COL8A1: variants seen among roughly 807,000 people sequenced by gnomAD.
COL8A1 encodes collagen type VIII alpha 1 chain.
A neutral mutation model predicts 42.7 loss-of-function variants in COL8A1; 21 were observed. The observed-to-expected ratio is 0.49, with a 90% CI of 0.35 to 0.71. The LOEUF (loss-of-function observed/expected upper bound fraction) is 0.71. Among genes scored for constraint, COL8A1 ranks in the 30% least tolerant of loss-of-function variants. The probability of loss-of-function intolerance (pLI) is 0.01; values close to 1 mark genes in which losing one functional copy is unlikely to be tolerated. For missense variants in COL8A1, 788 were observed against 962.4 expected (o/e 0.82, Z 2.40); for synonymous variants, 367 against 369.1 (o/e 0.99, Z 0.06).
chr3:99,720,420 G>A (rs1324327201), intron 1 of COL8A1, among the ~76,000 whole-genome samples: 1 of 152,046 alleles, frequency 6.6e-6, no homozygotes, highest in Non-Finnish European at 1.5e-5. Context: ...CATTTAATAT[G>A]TTATTGTATC....
chr3:99,730,627 G>A (rs1014239000), intron 1 of COL8A1, among the ~76,000 whole-genome samples: 2 of 152,074 alleles, frequency 1.3e-5, no homozygotes, highest in Non-Finnish European at 2.9e-5. Context: ...CAGTGTGAAA[G>A]GAAAGTCTTT....
chr3:99,680,516 T>G (rs1268451215), intron 1 of COL8A1: 2 of 152,194 alleles, frequency 1.3e-5, no homozygotes, highest in African/African-American at 4.8e-5. Flanking sequence ...TACCCAGTAA[T>G]GGGATGGCTG....
chr3:99,668,315 C>T (rs915373098), intron 1 of COL8A1, among the ~76,000 whole-genome samples: 1 of 152,012 alleles, frequency 6.6e-6, no homozygotes, highest in Non-Finnish European at 1.5e-5. Flanking sequence ...CATCAAATGC[C>T]CTTTTAAAAA....
intron 1 of COL8A1, among the ~76,000 whole-genome samples, chr3:99,723,432 G>A (rs1053539237): frequency 6.6e-6 from 1 of 152,036 alleles, no homozygotes; most frequent in Non-Finnish European, 1.5e-5. Context: ...GCTAGACAGT[G>A]GCAAGCAATA....
intron 2 of COL8A1, among the ~76,000 whole-genome samples, chr3:99,785,100 A>T (rs948458143): frequency 6.6e-6 from 1 of 152,226 alleles, no homozygotes; most frequent in African/African-American, 2.4e-5. Context: ...CCATATGTGA[A>T]TCAAGAAAGG....
In COL8A1 at chr3:99,714,761, G is replaced by A. The variant is rs112858548; in HGVS notation, c.-128-30136G>A. On this transcript the variant is annotated intron_variant, in intron 1 of 3. Transcript: ENST00000652472. The stretch of plus-strand genomic sequence containing the variant: ...ATCTAAAAGTGCTCACACTCTAGTG[G>A]AAAGACAGATATTGAATAAGAAAAC... 1.8e-3 allele frequency among the ~76,000 whole-genome samples: 280 copies of A among 152,162 alleles called. 2 individuals are homozygous for A. Among genetic ancestry groups the A allele is most frequent in the Admixed American group, 4.2e-3 (64 of 15,262 alleles).
At chr3:99,650,798 CAT>C (rs1453477940) in intron 1 of COL8A1, among the ~76,000 whole-genome samples, 3 of 152,268 alleles carry the variant, frequency 2.0e-5, no homozygotes, top group African/African-American at 7.2e-5. Flanking sequence ...TAAATAACCA[CAT>C]GTGGCTAATG....
intron 1 of COL8A1, among the ~76,000 whole-genome samples, chr3:99,728,244 C>T (rs1940396599): frequency 6.6e-6 from 1 of 151,984 alleles, no homozygotes; most frequent in South Asian, 2.1e-4. Context: ...TAGAAAACCC[C>T]ATTGTCTCAG....
Position 99,795,354 on chromosome 3 carries a change from C to A in COL8A1, c.1453C>A (p.Pro485Thr), listed in dbSNP as rs1256522832. 1 of 1,586,044 alleles carries A rather than the reference C, an allele frequency of 6.3e-7. No homozygotes were observed. The highest frequency in any genetic ancestry group is 2.3e-5 in the East Asian group (1 of 43,612). The change falls in exon 4 of 4, where the codon CCA becomes ACA. Residue 485 changes from proline to threonine, a missense_variant. Coordinates refer to ENST00000652472, the MANE Select transcript of COL8A1 (RefSeq NM_020351.4). ...VPGLLGPKGE[P>T]GIPGDQGLQG... ...AGGGCTTCTCGGACCTAAGGGAGAG[C>A]CAGGAATCCCAGGGGATCAGGGTTT...
intron 1 of COL8A1, among the ~76,000 whole-genome samples, chr3:99,647,999 A>G (rs572213775): frequency 1.3e-5 from 2 of 152,186 alleles, no homozygotes; most frequent in African/African-American, 4.8e-5. Context: ...GAAAATAAGT[A>G]GCTCATAGTC....
chr3:99,742,473 T>C (rs1940923155), intron 1 of COL8A1, among the ~76,000 whole-genome samples: 2 of 152,192 alleles, frequency 1.3e-5, no homozygotes, highest in South Asian at 4.1e-4. Context: ...TAAACAGTAA[T>C]TGTAGCACTC....
chr3:99,737,204 T>C (rs1198097254), intron 1 of COL8A1, among the ~76,000 whole-genome samples: 1 of 152,234 alleles, frequency 6.6e-6, no homozygotes, highest in African/African-American at 2.4e-5. Flanking sequence ...AGTCTGTGTC[T>C]TTTAATTGGA....
At chr3:99,640,658 A>T (rs765752238) in intron 1 of COL8A1, among the ~76,000 whole-genome samples, 2 of 152,202 alleles carry the variant, frequency 1.3e-5, no homozygotes, top group Non-Finnish European at 2.9e-5. Context: ...GCCCCTAAAT[A>T]ACTGAGTGAG....
chr3:99,662,183 A>G (rs1938225660), intron 1 of COL8A1, among the ~76,000 whole-genome samples: 1 of 152,172 alleles, frequency 6.6e-6, no homozygotes, highest in African/African-American at 2.4e-5. Context: ...GTGTGAGACC[A>G]GCCTGGCCAA....
intron 1 of COL8A1, among the ~76,000 whole-genome samples, chr3:99,708,593 C>T (rs1420255087): frequency 1.3e-5 from 2 of 152,112 alleles, no homozygotes; most frequent in African/African-American, 4.8e-5. Context: ...GCAAGCACAC[C>T]AAACTCCTTC....
intron 1 of COL8A1, among the ~76,000 whole-genome samples, chr3:99,662,799 A>G (rs565470332): frequency 6.6e-6 from 1 of 152,236 alleles, no homozygotes; most frequent in African/African-American, 2.4e-5. Flanking sequence ...TAGATAATGC[A>G]TCACCCCAAT....
intron 1 of COL8A1, among the ~76,000 whole-genome samples, chr3:99,669,146 T>TATATATATATATATATAGAG: frequency 6.1e-5 from 7 of 115,386 alleles, no homozygotes; most frequent in East Asian, 6.2e-4. Flanking sequence ...TATATATATA[T>TATATATATATATATATAGAG]AGAGGGAGAG....
intron 1 of COL8A1, among the ~76,000 whole-genome samples, chr3:99,708,384 G>T (rs1165191277): frequency 1.3e-5 from 2 of 152,072 alleles, no homozygotes; most frequent in African/African-American, 2.4e-5. Context: ...CTCCTTCATT[G>T]TTGGGTCTCC....
intron 2 of COL8A1, among the ~76,000 whole-genome samples, chr3:99,749,321 A>G (rs1941093614): frequency 6.6e-6 from 1 of 152,120 alleles, no homozygotes; most frequent in Non-Finnish European, 1.5e-5. Context: ...AACAGAACCA[A>G]AGGTCTTAAC....
Sources: allele counts gnomAD v4.1 joint callset (sites outside exome capture counted in the v4.1 genomes callset), GRCh38; gene constraint gnomAD v4.1.1; transcripts MANE v1.5; gene names NCBI Gene and HGNC (gene_info 2026-07-23, HGNC 2026-07-21).